Variants in AFF3 observed in about 807,000 individuals in gnomAD.
The protein encoded by AFF3 is AF4/FMR2 family member 3.
In AFF3, 32 loss-of-function variants were observed where a neutral mutation model predicts 129.7. The ratio of observed to expected loss-of-function variants is 0.25; its 90% confidence interval spans 0.19 to 0.33. The LOEUF (loss-of-function observed/expected upper bound fraction) is 0.33. Among genes scored for constraint, AFF3 ranks in the 10% least tolerant of loss-of-function variants. The pLI, the probability that AFF3 is intolerant of heterozygous loss-of-function variation, is 1.00. For synonymous variants in AFF3, 644 were observed against 635.4 expected (o/e 1.01, Z -0.20); for missense variants, 1,373 against 1,592.0 (o/e 0.86, Z 2.34).
chr2:100,040,687 G>A (rs535099243), intron 4 of AFF3, among the ~76,000 whole-genome samples: 1 of 152,186 alleles, frequency 6.6e-6, no homozygotes. Flanking sequence ...CCCTGCTACC[G>A]ACAGGCTTGC....
At chr2:100,024,444 A>T (rs1456466450) in intron 4 of AFF3, among the ~76,000 whole-genome samples, 1 of 142,674 alleles carries the variant, frequency 7.0e-6, no homozygotes, top group Non-Finnish European at 1.5e-5. Flanking sequence ...CTCTACTAAC[A>T]AAAAAAATAC....
chr2:99,624,978 C>A (rs1054085116), intron 13 of AFF3, among the ~76,000 whole-genome samples: 2 of 152,184 alleles, frequency 1.3e-5, no homozygotes, highest in Non-Finnish European at 2.9e-5. Context: ...TTGACACACA[C>A]AAGATACAGT....
At chr2:100,019,031 A>C (rs1683368737) in intron 4 of AFF3, among the ~76,000 whole-genome samples, 1 of 152,186 alleles carries the variant, frequency 6.6e-6, no homozygotes, top group Non-Finnish European at 1.5e-5. Flanking sequence ...TGTTTTAACC[A>C]TGATGCCCTT....
At chr2:99,674,341 G>C (rs2104481141) in intron 11 of AFF3, among the ~76,000 whole-genome samples, 1 of 152,314 alleles carries the variant, frequency 6.6e-6, no homozygotes, top group Admixed American at 6.5e-5. Flanking sequence ...GTAGCCTAGG[G>C]AAGTGGGCTG....
At chr2:99,860,532 C>T (rs528264556) in intron 7 of AFF3, among the ~76,000 whole-genome samples, 10 of 149,862 alleles carry the variant, frequency 6.7e-5, no homozygotes, top group Non-Finnish European at 1.2e-4. Flanking sequence ...CCAGCCAGGG[C>T]GACAGAGTGA....
chr2:99,969,953 G>C (rs1678188063), intron 7 of AFF3, among the ~76,000 whole-genome samples: 1 of 152,152 alleles, frequency 6.6e-6, no homozygotes, highest in Admixed American at 6.5e-5. Flanking sequence ...TTTGTATAAT[G>C]TTCTCCTCTT....
intron 7 of AFF3, among the ~76,000 whole-genome samples, chr2:99,992,497 A>G (rs1454865430): frequency 6.6e-6 from 1 of 152,246 alleles, no homozygotes; most frequent in Non-Finnish European, 1.5e-5. Flanking sequence ...AAATTTATAT[A>G]CTTTGTAGCT....
At chr2:99,919,137 C>T (rs559455698) in intron 7 of AFF3, among the ~76,000 whole-genome samples, 5 of 152,274 alleles carry the variant, frequency 3.3e-5, no homozygotes, top group East Asian at 3.9e-4. Flanking sequence ...TCCACTGCAA[C>T]GTTTTCCCTC....
intron 12 of AFF3, 55 bp from the exon 13 acceptor site, chr2:99,649,721 G>A (rs1685057665): frequency 1.4e-5 from 22 of 1,596,132 alleles, no homozygotes; most frequent in East Asian, 4.5e-5. Context: ...TTTGAATTAC[G>A]TGCTCAATGA....
intron 11 of AFF3, among the ~76,000 whole-genome samples, chr2:99,690,403 G>C (rs973713483): frequency 2.0e-5 from 3 of 151,614 alleles, no homozygotes; most frequent in East Asian, 4.0e-4. Flanking sequence ...GGATGGTCTC[G>C]ATCTCCTGAC....
intron 7 of AFF3, among the ~76,000 whole-genome samples, chr2:99,937,609 G>A (rs879616367): frequency 1.3e-5 from 2 of 152,142 alleles, no homozygotes; most frequent in Non-Finnish European, 2.9e-5. Flanking sequence ...ATATTGACCA[G>A]GGTGGTCTCG....
In AFF3 at chr2:99,547,126, T is replaced by C. The variant is rs939510096; in HGVS notation, c.*4348A>G. On this transcript the variant is annotated 3_prime_UTR_variant, in exon 25 of 25. Transcript: ENST00000672756. ...TAAGCCATTTATGAAACAAAAAGAT[T>C]GCTTTTCGAGATTATAAACTGGGAG... is the stretch of plus-strand genomic sequence containing the variant. The C allele has an allele frequency of 4.6e-6, 1 of 218,600 alleles. No homozygotes were observed. Among genetic ancestry groups the C allele is most frequent in the African/African-American group, 2.2e-5 (1 of 44,546 alleles). The allele number at this position is 218,600 out of a possible 1,614,324, so 13.5% of individuals were successfully genotyped here.
Position 99,812,328 on chromosome 2 carries a change from G to C in AFF3, c.921+25149C>G, listed in dbSNP as rs1686853134. Reference sequence around the variant, plus strand: ...GAAGTAAGATCATTGTCTTCCTTCCGATACCCTCTGACGAAACCTCTGAAG... The same window carrying C: ...GAAGTAAGATCATTGTCTTCCTTCCCATACCCTCTGACGAAACCTCTGAAG... On this transcript the variant is annotated intron_variant, in intron 8 of 24. Coordinates refer to ENST00000672756, the MANE Select transcript of AFF3 (RefSeq NM_001386135.1). 3.9e-5 allele frequency among the ~76,000 whole-genome samples: 6 copies of C among 152,174 alleles called. No homozygotes were observed. The South Asian group carries it at 6.2e-4, about 16-fold the overall frequency.
At chr2:99,790,450 C>T (rs1026559858) in intron 8 of AFF3, among the ~76,000 whole-genome samples, 1 of 152,228 alleles carries the variant, frequency 6.6e-6, no homozygotes, top group Non-Finnish European at 1.5e-5. Flanking sequence ...AGATTTTCTT[C>T]TCTTTGCAAA....
intron 7 of AFF3, among the ~76,000 whole-genome samples, chr2:99,898,169 T>C (rs1441631036): frequency 6.6e-6 from 1 of 152,254 alleles, no homozygotes; most frequent in Non-Finnish European, 1.5e-5. Flanking sequence ...GTGGAAGATG[T>C]CTGAGTGCTC....
At chr2:99,711,221 G>A (rs776085085) in intron 11 of AFF3, among the ~76,000 whole-genome samples, 1 of 152,110 alleles carries the variant, frequency 6.6e-6, no homozygotes, top group Non-Finnish European at 1.5e-5. Context: ...GGCCGCGTGT[G>A]GTGTCTCCAA....
chr2:100,007,793 G>T (rs747336394), intron 5 of AFF3: 123 of 280,692 alleles, frequency 4.4e-4, no homozygotes, highest in Admixed American at 2.1e-3. Context: ...TGACCAACAC[G>T]GCAAAACCCT....
intron 8 of AFF3, among the ~76,000 whole-genome samples, chr2:99,787,657 T>C (rs1017375703): frequency 6.6e-6 from 1 of 152,200 alleles, no homozygotes; most frequent in Non-Finnish European, 1.5e-5. Context: ...TACGTACTTC[T>C]GACTGGAGAC....
rs542033965 is a variant in AFF3, at chr2:100,087,587, T to C, written c.53+16815A>G. On this transcript the variant is annotated intron_variant, in intron 4 of 24. Coordinates refer to ENST00000672756, the MANE Select transcript of AFF3 (RefSeq NM_001386135.1). ...ATTATTCTTACTTACAGGACTATCA[T>C]TCAGAGAATATGCAGAAACAATGCT... Among the ~76,000 whole-genome samples the C allele has an allele frequency of 2.0e-5, 3 of 151,978 alleles. No individual in the cohort carries two copies. In the East Asian group the frequency reaches 5.8e-4, roughly 29 times the overall value.
Sources: allele counts gnomAD v4.1 joint callset (sites outside exome capture counted in the v4.1 genomes callset), GRCh38; gene constraint gnomAD v4.1.1; transcripts MANE v1.5; gene names NCBI Gene and HGNC (gene_info 2026-07-23, HGNC 2026-07-21).